Variants in PCDH9 observed in about 807,000 individuals in gnomAD.
The protein encoded by PCDH9 is protocadherin-9.
Under a neutral mutation model 70.6 loss-of-function variants are expected in PCDH9, and 24 were observed. That is an observed-to-expected ratio of 0.34 (90% CI 0.25 to 0.48). The LOEUF (loss-of-function observed/expected upper bound fraction) is 0.48, where lower values mean the gene tolerates loss of function less well. PCDH9 is among the 20% of genes least tolerant of loss of function. The pLI is 0.99. For missense variants in PCDH9, 1,281 were observed against 1,503.6 expected, an observed-to-expected ratio of 0.85 and a Z score of 2.45; for synonymous variants, 562 against 558.5, an observed-to-expected ratio of 1.01 and a Z score of -0.09.
intron 2 of PCDH9, among the ~76,000 whole-genome samples, chr13:67,096,451 C>T (rs907998180): frequency 6.6e-6 from 1 of 152,160 alleles, no homozygotes; most frequent in African/African-American, 2.4e-5. Context: ...GAGGAAAATA[C>T]TGACTTTAAC....
intron 2 of PCDH9, among the ~76,000 whole-genome samples, chr13:66,908,467 G>T (rs1042156528): frequency 6.6e-6 from 1 of 152,120 alleles, no homozygotes; most frequent in African/African-American, 2.4e-5. Context: ...TATTGAACAG[G>T]TTCTGTTTCC....
At chr13:66,847,894 A>G (rs2081240472) in intron 3 of PCDH9, among the ~76,000 whole-genome samples, 1 of 152,166 alleles carries the variant, frequency 6.6e-6, no homozygotes, top group Admixed American at 6.5e-5. Context: ...TTTATTTCCA[A>G]AATTTTCCAT....
chr13:66,523,118 A>G (rs2138614167), intron 4 of PCDH9, among the ~76,000 whole-genome samples: 1 of 152,164 alleles, frequency 6.6e-6, no homozygotes. Flanking sequence ...TCAAGAAAGA[A>G]TCATCAGCAT....
chr13:66,982,899 A>G (rs1028759233), intron 2 of PCDH9, among the ~76,000 whole-genome samples: 3 of 152,240 alleles, frequency 2.0e-5, no homozygotes, highest in Non-Finnish European at 2.9e-5. Context: ...TCTATGTTCT[A>G]TGACTTCAAG....
intron 3 of PCDH9, among the ~76,000 whole-genome samples, chr13:66,720,319 CTTTTTTGTT>C (rs2078925168): frequency 1.3e-5 from 1 of 77,952 alleles, no homozygotes; most frequent in Non-Finnish European, 2.4e-5. Flanking sequence ...CTAATTTTTG[CTTTTTTGTT>C]TTTTTTTTTT....
intron 4 of PCDH9, among the ~76,000 whole-genome samples, chr13:66,468,389 A>C (rs576127693): frequency 6.6e-6 from 1 of 152,232 alleles, no homozygotes; most frequent in South Asian, 2.1e-4. Context: ...TCAAGTCTCA[A>C]CACTGAACCC....
chr13:67,111,215 C>A (rs1355118894), intron 2 of PCDH9, among the ~76,000 whole-genome samples: 2 of 152,038 alleles, frequency 1.3e-5, no homozygotes, highest in Non-Finnish European at 2.9e-5. Flanking sequence ...GCATAAAGAT[C>A]AAATTAAGTA....
In PCDH9 at chr13:66,502,784, G is replaced by A. The variant is rs80214549; in HGVS notation, c.3340+128426C>T. On this transcript the variant is annotated intron_variant, in intron 4 of 4. Transcript: ENST00000377865. ...TAAGTTTTATTTGTTTCGTCAATTA[G>A]GAGTATACTAAACTACACAGAATTT... 9.6e-3 allele frequency among the ~76,000 whole-genome samples: 1,462 copies of A among 152,190 alleles called. 21 individuals are homozygous for A. The highest frequency in any genetic ancestry group is 0.032 in the African/African-American group (1,344 of 41,536).
At chr13:66,726,967 T>C (rs2079013588) in intron 3 of PCDH9, among the ~76,000 whole-genome samples, 1 of 152,132 alleles carries the variant, frequency 6.6e-6, no homozygotes, top group Admixed American at 6.5e-5. Flanking sequence ...TTTTAAAAAA[T>C]CTAAAACTGG....
intron 1 of PCDH9, among the ~76,000 whole-genome samples, chr13:67,229,304 A>C (rs1570892): frequency 0.71 from 108,250 of 152,142 alleles, 39,411 homozygotes; most frequent in Middle Eastern, 0.86. Context: ...TATAGGATTC[A>C]TTTTCCTAGA....
chr13:66,878,537 T>A (rs959040523), intron 3 of PCDH9, among the ~76,000 whole-genome samples: 16 of 152,106 alleles, frequency 1.1e-4, no homozygotes, highest in Non-Finnish European at 2.1e-4. Context: ...GGGACTAATT[T>A]TTTTAAAAAG....
At chr13:66,812,526 T>C (rs1253461128) in intron 3 of PCDH9, among the ~76,000 whole-genome samples, 1 of 152,188 alleles carries the variant, frequency 6.6e-6, no homozygotes, top group Non-Finnish European at 1.5e-5. Context: ...TGTACCTGAT[T>C]TGTCTAGAAG....
intron 2 of PCDH9, among the ~76,000 whole-genome samples, chr13:67,156,515 G>A (rs1048414106): frequency 3.3e-5 from 5 of 152,102 alleles, no homozygotes; most frequent in South Asian, 2.1e-4. Flanking sequence ...AGTGGGAGGA[G>A]AGCCCTGGCC....
At chr13:66,314,146 C>G (rs1955610913) in intron 4 of PCDH9, among the ~76,000 whole-genome samples, 1 of 152,212 alleles carries the variant, frequency 6.6e-6, no homozygotes, top group African/African-American at 2.4e-5. Context: ...GCATTTCTAA[C>G]AGTTCCTTAA....
intron 4 of PCDH9, among the ~76,000 whole-genome samples, chr13:66,377,277 G>A (rs994499568): frequency 6.6e-6 from 1 of 152,092 alleles, no homozygotes; most frequent in East Asian, 1.9e-4. Flanking sequence ...AGGATCAGAA[G>A]CACCTGGGGG....
chr13:67,010,255 C>G (rs1389378338), intron 2 of PCDH9, among the ~76,000 whole-genome samples: 2 of 151,816 alleles, frequency 1.3e-5, no homozygotes, highest in South Asian at 4.1e-4. Flanking sequence ...CTTAAAGTCC[C>G]CAGCTAGTAT....
At chr13:67,054,484 C>T (rs1033309642) in intron 2 of PCDH9, among the ~76,000 whole-genome samples, 3 of 152,054 alleles carry the variant, frequency 2.0e-5, no homozygotes, top group African/African-American at 7.2e-5. Context: ...ATTCAAGAGT[C>T]TTAAAAGCCC....
chr13:66,402,695 C>T (rs1957208793), intron 4 of PCDH9, among the ~76,000 whole-genome samples: 1 of 152,090 alleles, frequency 6.6e-6, no homozygotes. Context: ...ACCTCTGCTG[C>T]AAACTTCGGT....
At chr13:66,452,032 C>T (rs1958223852) in intron 4 of PCDH9, among the ~76,000 whole-genome samples, 2 of 152,110 alleles carry the variant, frequency 1.3e-5, no homozygotes, top group South Asian at 4.1e-4. Flanking sequence ...TCTTTTAGGT[C>T]TCCATGACAG....
Sources: gnomAD v4.1 joint callset for allele counts (sites outside exome capture counted in the v4.1 genomes callset) on GRCh38, gnomAD v4.1.1 for gene constraint, MANE v1.5 for transcripts, NCBI Gene and HGNC (gene_info 2026-07-23, HGNC 2026-07-21) for gene names.